Variants in RPS6KA5 observed in about 807,000 individuals in gnomAD.
RPS6KA5 encodes ribosomal protein S6 kinase A5, also known as ribosomal protein S6 kinase alpha-5.
A neutral mutation model predicts 85.5 loss-of-function variants in RPS6KA5; 27 were observed. That is an observed-to-expected ratio of 0.32 (90% CI 0.23 to 0.44). RPS6KA5 has a LOEUF of 0.44. RPS6KA5 is among the 20% of genes least tolerant of loss of function. The pLI, the probability that RPS6KA5 is intolerant of heterozygous loss-of-function variation, is 1.00. For missense variants in RPS6KA5, 811 were observed against 980.9 expected (o/e 0.83, Z 2.31); for synonymous variants, 334 against 348.2 (o/e 0.96, Z 0.46).
chr14:90,860,922 G>A lies in RPS6KA5; in HGVS notation c.*11152C>T, dbSNP rs1480603739. ...TTTTTTTTTTTTGAGATGGAGTTTC[G>A]CTCTTGTTGCCCAATCTGGAGTGCA... On this transcript the variant is annotated 3_prime_UTR_variant, in exon 17 of 17. Transcript: ENST00000614987. 3.6e-5 allele frequency: 5 copies of A among 137,934 alleles called. No homozygotes were observed. Among genetic ancestry groups the A allele is most frequent in the East Asian group, 2.1e-4 (1 of 4,724 alleles). The allele number at this position is 137,934 out of a possible 1,614,324, so 8.5% of individuals were successfully genotyped here.
rs60860310 is a variant in RPS6KA5, at chr14:90,852,157, C to T, written c.*19917G>A. The T allele has an allele frequency of 0.11, 14,709 of 129,408 alleles. 1,782 individuals carry two copies. Among genetic ancestry groups the T allele is most frequent in the African/African-American group, 0.32 (11,675 of 35,984 alleles). The allele number at this position is 129,408 out of a possible 1,614,324, so 8.0% of individuals were successfully genotyped here. On this transcript the variant is annotated 3_prime_UTR_variant, in exon 17 of 17. Coordinates refer to ENST00000614987, the MANE Select transcript of RPS6KA5 (RefSeq NM_004755.4). ...CAGGCTGGAGTGCAGTGGTGTGGTG[C>T]GATCTTGGCTCACTGCAAGTTCTGC...
chr14:90,914,988 G>A (rs2036034540), intron 7 of RPS6KA5, among the ~76,000 whole-genome samples: 1 of 152,122 alleles, frequency 6.6e-6, no homozygotes, highest in Non-Finnish European at 1.5e-5. Flanking sequence ...AAATGAGGAA[G>A]AAAAGAATAA....
intron 1 of RPS6KA5, among the ~76,000 whole-genome samples, chr14:91,034,290 A>C (rs2042308774): frequency 6.6e-6 from 1 of 150,812 alleles, no homozygotes; most frequent in African/African-American, 2.4e-5. Flanking sequence ...GGGAGACAGA[A>C]GTAAAAACCC....
At chr14:90,927,220 C>G (rs1414965650) in intron 5 of RPS6KA5, among the ~76,000 whole-genome samples, 4 of 151,800 alleles carry the variant, frequency 2.6e-5, no homozygotes, top group Non-Finnish European at 1.5e-5. Context: ...ACTAAAAGAA[C>G]AGAAATAGAA....
chr14:91,051,149 G>A (rs1035145376), intron 1 of RPS6KA5, among the ~76,000 whole-genome samples: 19 of 152,108 alleles, frequency 1.2e-4, no homozygotes, highest in African/African-American at 3.6e-4. Context: ...TGAGGTGGGA[G>A]GATCACTTGA....
chr14:91,035,847 C>CAAAAAAAAAAAAAAA (rs199625173), intron 1 of RPS6KA5, among the ~76,000 whole-genome samples: 9 of 69,898 alleles, frequency 1.3e-4, no homozygotes, highest in Admixed American at 3.6e-4. Flanking sequence ...CCCTCACCTT[C>CAAAAAAAAAAAAAAA]AAAAAAAAAA....
intron 14 of RPS6KA5, among the ~76,000 whole-genome samples, chr14:90,885,354 G>C (rs1291878601): frequency 6.6e-6 from 1 of 151,108 alleles, no homozygotes; most frequent in Non-Finnish European, 1.5e-5. Context: ...AGATCGAGAG[G>C]CATCCTGGCC....
At chr14:90,934,853 T>C (rs2037177559) in intron 5 of RPS6KA5, among the ~76,000 whole-genome samples, 1 of 152,156 alleles carries the variant, frequency 6.6e-6, no homozygotes. Flanking sequence ...CAAGCTAATG[T>C]GTTGGCATCT....
At chr14:90,991,701 C>CAAAAA (rs57545603) in intron 2 of RPS6KA5, among the ~76,000 whole-genome samples, 101 of 85,352 alleles carry the variant, frequency 1.2e-3, no homozygotes, top group East Asian at 1.8e-3. Flanking sequence ...GACTCCATCT[C>CAAAAA]AAAAAAAAAA....
intron 14 of RPS6KA5, among the ~76,000 whole-genome samples, chr14:90,878,978 G>A (rs1235281076): frequency 1.3e-5 from 2 of 152,172 alleles, no homozygotes; most frequent in African/African-American, 2.4e-5. Flanking sequence ...AGACTCTCTC[G>A]CAGCCACAAC....
At position 90,867,137 on chromosome 14, in the gene RPS6KA5, A is replaced by C. The variant is rs2140122552; in HGVS notation, c.*4937T>G. 6.6e-6 allele frequency: 1 copy of C among 152,294 alleles called. No homozygotes were observed. 9.4% of individuals were successfully genotyped at this position (152,294 alleles called of 1,614,324 possible). A position where few individuals can be genotyped will look rare whatever the true frequency, so the allele number is the denominator to read the frequency against. On this transcript the variant is annotated 3_prime_UTR_variant, in exon 17 of 17. Coordinates refer to ENST00000614987, the MANE Select transcript of RPS6KA5 (RefSeq NM_004755.4). ...CTGGATTTTAAAACAAAGCAAACAAAAGAAACAAGGATTTTCTAATCTATC... is the reference window on the plus strand; with the variant it reads ...CTGGATTTTAAAACAAAGCAAACAACAGAAACAAGGATTTTCTAATCTATC...
chr14:90,923,515 T>C (rs1015021584), intron 5 of RPS6KA5, among the ~76,000 whole-genome samples: 1 of 152,192 alleles, frequency 6.6e-6, no homozygotes, highest in Non-Finnish European at 1.5e-5. Flanking sequence ...TTTGCATGCA[T>C]GTATATTTCA....
chr14:90,986,859 C>A (rs979990263), intron 2 of RPS6KA5, among the ~76,000 whole-genome samples: 1 of 152,236 alleles, frequency 6.6e-6, no homozygotes, highest in Admixed American at 6.5e-5. Flanking sequence ...ACTGCTTAGA[C>A]CACATGCCTG....
At chr14:91,049,072 T>C (rs2042971298) in intron 1 of RPS6KA5, among the ~76,000 whole-genome samples, 1 of 152,190 alleles carries the variant, frequency 6.6e-6, no homozygotes, top group Non-Finnish European at 1.5e-5. Context: ...ATACAAACTA[T>C]ACCTGAATCC....
intron 3 of RPS6KA5, among the ~76,000 whole-genome samples, chr14:90,948,878 C>T (rs752273825): frequency 6.6e-6 from 1 of 152,174 alleles, no homozygotes; most frequent in Non-Finnish European, 1.5e-5. Flanking sequence ...GAGTTTACCA[C>T]AATTTGATAA....
intron 1 of RPS6KA5, among the ~76,000 whole-genome samples, chr14:91,025,017 A>G (rs959506666): frequency 6.6e-6 from 1 of 150,662 alleles, no homozygotes; most frequent in African/African-American, 2.5e-5. Flanking sequence ...AATAGCTGGG[A>G]CTACAGATGT....
chr14:90,963,906 G>A (rs2038933113), intron 3 of RPS6KA5, among the ~76,000 whole-genome samples: 1 of 152,220 alleles, frequency 6.6e-6, no homozygotes, highest in Admixed American at 6.5e-5. Flanking sequence ...TCAGAGCACA[G>A]TAGTGGGAGA....
intron 1 of RPS6KA5, among the ~76,000 whole-genome samples, chr14:91,032,839 C>T (rs1404048728): frequency 5.3e-5 from 8 of 151,766 alleles, no homozygotes; most frequent in Non-Finnish European, 7.4e-5. Context: ...GACATAAGCA[C>T]TTCACAAAAG....
chr14:90,973,391 C>T (rs548933265), intron 3 of RPS6KA5, among the ~76,000 whole-genome samples: 4 of 151,706 alleles, frequency 2.6e-5, no homozygotes, highest in African/African-American at 7.3e-5. Context: ...TGCAGTGAGC[C>T]GAGATCAACA....
Sources: allele counts gnomAD v4.1 joint callset (sites outside exome capture counted in the v4.1 genomes callset), GRCh38; gene constraint gnomAD v4.1.1; transcripts MANE v1.5; gene names NCBI Gene and HGNC (gene_info 2026-07-23, HGNC 2026-07-21).